UBASH3B: variants seen among roughly 807,000 people sequenced by gnomAD.
UBASH3B encodes the protein ubiquitin-associated and SH3 domain-containing protein B.
A neutral mutation model predicts 83.4 loss-of-function variants in UBASH3B; 37 were observed. The ratio of observed to expected loss-of-function variants is 0.44; its 90% CI spans 0.34 to 0.58. The LOEUF is 0.58. UBASH3B is among the 20% of genes least tolerant of loss of function. The probability of loss-of-function intolerance (pLI) is 0.01; values close to 1 mark genes in which losing one functional copy is unlikely to be tolerated. For synonymous variants in UBASH3B, 304 were observed against 318.3 expected (o/e 0.96, Z 0.48); for missense variants, 657 against 827.2 (o/e 0.79, Z 2.52).
rs562872972 is a variant in UBASH3B at position 122,723,177 on chromosome 11, TA to T, written c.162-53032del. On this transcript the variant is annotated intron_variant, in intron 1 of 13. Coordinates refer to ENST00000284273, the MANE Select transcript of UBASH3B (RefSeq NM_032873.5). ...CTTAAGAGGATCAGAAATCTGTAATTAAAAAAAAAATCCTTTGTCATTTCTG... is the reference window on the plus strand; with the variant it reads ...CTTAAGAGGATCAGAAATCTGTAATTAAAAAAAAATCCTTTGTCATTTCTG... Among the ~76,000 whole-genome samples, 133 of 150,816 alleles carry T rather than the reference TA, an allele frequency of 8.8e-4. 1 individual carries two copies. The highest frequency in any genetic ancestry group is 3.1e-3 in the African/African-American group (126 of 41,140).
At chr11:122,753,272 G>A (rs1030138244) in intron 1 of UBASH3B, among the ~76,000 whole-genome samples, 2 of 151,768 alleles carry the variant, frequency 1.3e-5, no homozygotes, top group East Asian at 2.0e-4. Context: ...TCAACATGGT[G>A]AAACCCCGTC....
rs577508237 is a variant in UBASH3B, at chr11:122,678,034, G to T, written c.161+21824G>T. 4.9e-4 allele frequency among the ~76,000 whole-genome samples: 74 copies of T among 152,308 alleles called. No individual in the cohort carries two copies. The South Asian group carries it at 9.1e-3, about 19-fold the overall frequency. ...TCAAACTCCTGACCTCAGGTGATGT[G>T]CCTGCTGAGGCTTTCCAATGTGCTA... is the stretch of plus-strand genomic sequence containing the variant. On this transcript the variant is annotated intron_variant, in intron 1 of 13. Transcript: ENST00000284273.
Position 122,796,022 on chromosome 11 carries a change from C to T in UBASH3B, c.1114-134C>T, listed in dbSNP as rs142572900. 74 of 1,070,050 alleles carry T rather than the reference C, an allele frequency of 6.9e-5. No homozygotes were observed. The East Asian group carries it at 1.3e-3, about 18-fold the overall frequency. The allele number at this position is 1,070,050 out of a possible 1,614,324, so 66.3% of individuals were successfully genotyped here. On this transcript the variant is annotated intron_variant, in intron 7 of 13. Transcript: ENST00000284273. ...CAAATAACTTATGAGGTCTGTAGGACGAGTCTTACTGTCCTCACCAAGTCA... is the reference window on the plus strand; with the variant it reads ...CAAATAACTTATGAGGTCTGTAGGATGAGTCTTACTGTCCTCACCAAGTCA...
At chr11:122,750,640 G>A (rs1861185008) in intron 1 of UBASH3B, among the ~76,000 whole-genome samples, 1 of 152,212 alleles carries the variant, frequency 6.6e-6, no homozygotes, top group African/African-American at 2.4e-5. Flanking sequence ...GCACCTGATG[G>A]TGGTTAATAG....
intron 1 of UBASH3B, among the ~76,000 whole-genome samples, chr11:122,752,047 G>GA (rs766876635): frequency 1.3e-5 from 2 of 152,282 alleles, no homozygotes; most frequent in East Asian, 1.9e-4. Flanking sequence ...AAAGGTATTT[G>GA]AAATTTTTAT....
intron 1 of UBASH3B, among the ~76,000 whole-genome samples, chr11:122,720,293 G>T (rs527450584): frequency 6.6e-6 from 1 of 152,098 alleles, no homozygotes; most frequent in Admixed American, 6.6e-5. Flanking sequence ...CACCCTTAGC[G>T]CCTCACTTTT....
intron 9 of UBASH3B, chr11:122,797,282 T>G: frequency 2.6e-6 from 1 of 389,988 alleles, no homozygotes; most frequent in Non-Finnish European, 4.6e-6. Context: ...CGTGGGTTAC[T>G]GTGCTCACTC....
chr11:122,742,541 C>A (rs1861043582), intron 1 of UBASH3B, among the ~76,000 whole-genome samples: 2 of 152,174 alleles, frequency 1.3e-5, no homozygotes, highest in Non-Finnish European at 2.9e-5. Context: ...GTTTTGCGGT[C>A]CACTCTTGTC....
intron 1 of UBASH3B, among the ~76,000 whole-genome samples, chr11:122,716,833 A>G (rs749610917): frequency 1.2e-4 from 18 of 152,060 alleles, no homozygotes; most frequent in Non-Finnish European, 2.5e-4. Flanking sequence ...GCTTTGCTGG[A>G]AGGAAGAGAA....
chr11:122,721,975 T>C (rs1467323019), intron 1 of UBASH3B, among the ~76,000 whole-genome samples: 1 of 152,232 alleles, frequency 6.6e-6, no homozygotes, highest in Non-Finnish European at 1.5e-5. Flanking sequence ...CACAGACTTT[T>C]TGATTCTTGG....
intron 1 of UBASH3B, among the ~76,000 whole-genome samples, chr11:122,662,427 CTTTTCTTTTTTT>C: frequency 7.3e-6 from 1 of 136,204 alleles, no homozygotes; most frequent in African/African-American, 2.6e-5. Context: ...TTTTTCTTTT[CTTTTCTTTTTTT>C]TTTTTTTGAG....
chr11:122,717,778 G>A (rs1465973051), intron 1 of UBASH3B, among the ~76,000 whole-genome samples: 2 of 152,080 alleles, frequency 1.3e-5, no homozygotes, highest in South Asian at 4.1e-4. Context: ...CAGGGGGCCC[G>A]GTCAACCACC....
intron 1 of UBASH3B, among the ~76,000 whole-genome samples, chr11:122,736,068 G>A (rs191799926): frequency 6.6e-6 from 1 of 152,260 alleles, no homozygotes; most frequent in African/African-American, 2.4e-5. Context: ...AGATATTCTG[G>A]CCCAAGACAG....
intron 1 of UBASH3B, among the ~76,000 whole-genome samples, chr11:122,746,340 C>G (rs1861118052): frequency 6.6e-6 from 1 of 152,146 alleles, no homozygotes; most frequent in Admixed American, 6.5e-5. Context: ...AGGGGAGGAT[C>G]CCCTAAGATA....
intron 13 of UBASH3B, among the ~76,000 whole-genome samples, chr11:122,808,971 A>G (rs1861389248): frequency 1.5e-5 from 1 of 64,736 alleles, no homozygotes; most frequent in Admixed American, 1.4e-4. Context: ...AGAGACTCGT[A>G]AGGAGAAAAA....
chr11:122,702,376 T>C (rs1481210632), intron 1 of UBASH3B, among the ~76,000 whole-genome samples: 1 of 152,072 alleles, frequency 6.6e-6, no homozygotes, highest in Non-Finnish European at 1.5e-5. Flanking sequence ...TAAAGTATAA[T>C]ATAGGACCCT....
chr11:122,730,090 A>C (rs1226301880), intron 1 of UBASH3B, among the ~76,000 whole-genome samples: 1 of 151,256 alleles, frequency 6.6e-6, no homozygotes, highest in East Asian at 1.9e-4. Context: ...GTTCAAAACC[A>C]GCCTGGCCAA....
At chr11:122,797,617 G>A (rs1394560435) in intron 9 of UBASH3B, among the ~76,000 whole-genome samples, 3 of 152,180 alleles carry the variant, frequency 2.0e-5, no homozygotes, top group Non-Finnish European at 4.4e-5. Context: ...ATAGAGCTAT[G>A]CACTAATGTG....
At chr11:122,663,240 G>A (rs183976474) in intron 1 of UBASH3B, among the ~76,000 whole-genome samples, 1 of 152,318 alleles carries the variant, frequency 6.6e-6, no homozygotes, top group Non-Finnish European at 1.5e-5. Context: ...GTCTCCCAAA[G>A]TGCTGGGATT....
Sources: allele counts gnomAD v4.1 joint callset (sites outside exome capture counted in the v4.1 genomes callset), GRCh38; gene constraint gnomAD v4.1.1; transcripts MANE v1.5; gene names NCBI Gene and HGNC (gene_info 2026-07-23, HGNC 2026-07-21).